WDR3: variants seen among roughly 807,000 people sequenced by gnomAD.
WDR3 encodes the protein WD repeat domain 3.
In WDR3, 81 loss-of-function variants were observed where a neutral mutation model predicts 123.7. The ratio of observed to expected loss-of-function variants is 0.65; its 90% CI spans 0.55 to 0.79. The LOEUF (loss-of-function observed/expected upper bound fraction) is 0.79, where lower values mean the gene tolerates loss of function less well. Among genes scored for constraint, WDR3 ranks in the 30% least tolerant of loss-of-function variants. The pLI is 0.00. For synonymous variants in WDR3, 390 were observed against 388.8 expected, an observed-to-expected ratio of 1.00 and a Z score of -0.04; for missense variants, 1,027 against 1,123.2, an observed-to-expected ratio of 0.91 and a Z score of 1.22.
Position 117,961,853 on chromosome 1 carries a change from G to C in WDR3, c.*2406G>C, listed in dbSNP as rs138421806. 7.8e-4 allele frequency: 119 copies of C among 152,610 alleles called. No homozygotes were observed. Among genetic ancestry groups the C allele is most frequent in the African/African-American group, 2.8e-3 (117 of 41,528 alleles). The allele number at this position is 152,610 out of a possible 1,614,324, so 9.5% of individuals were successfully genotyped here. On this transcript the variant is annotated 3_prime_UTR_variant, in exon 27 of 27. Transcript: ENST00000349139. ...ATAATGCATTCTAGGTGCTTTCCAAGGAGTCAGTGTTGTTTAGGCAGCTAT... is the reference window on the plus strand; with the variant it reads ...ATAATGCATTCTAGGTGCTTTCCAACGAGTCAGTGTTGTTTAGGCAGCTAT...
intron 24 of WDR3, among the ~76,000 whole-genome samples, chr1:117,955,880 A>G (rs1020340356): frequency 1.1e-4 from 17 of 151,996 alleles, no homozygotes; most frequent in African/African-American, 3.1e-4. Flanking sequence ...GTTTACACAT[A>G]TATCTTTGTC....
At chr1:117,951,000 C>A in intron 16 of WDR3, 110 bp downstream of exon 16, 1 of 813,238 alleles carries the variant, frequency 1.2e-6, no homozygotes, top group South Asian at 1.8e-5. Context: ...TATCATCATT[C>A]TGTTATATAT....
At chr1:117,935,979 T>C (rs1650929140) in intron 3 of WDR3, among the ~76,000 whole-genome samples, 1 of 151,930 alleles carries the variant, frequency 6.6e-6, no homozygotes, top group Non-Finnish European at 1.5e-5. Context: ...AATTGGCAAT[T>C]CAAAAGAGAT....
chr1:117,950,120 A>T lies in WDR3; in HGVS notation c.1736A>T (p.Asp579Val). The T allele has an allele frequency of 6.2e-7, 1 of 1,613,638 alleles. No homozygotes were observed. The highest frequency in any genetic ancestry group is 8.5e-7 in the Non-Finnish European group (1 of 1,179,820). Residue 579 changes from aspartate to valine, a missense_variant, in exon 15 of 27, where the codon GAT (aspartate) becomes GTT (valine). Asp to Val is a radical substitution (Grantham distance 152, BLOSUM62 -3). Transcript: ENST00000349139. ...LDCTVKIFYV[D>V]TLKFFLSLYG... ...TGTACTGTGAAAATTTTCTACGTTGATACTTTAAAGGTACAGTGGTTATGC... is the reference window on the plus strand; with the variant it reads ...TGTACTGTGAAAATTTTCTACGTTGTTACTTTAAAGGTACAGTGGTTATGC...
chr1:117,954,430 A>G (rs1216341545), intron 22 of WDR3, 150 bp from the exon 23 acceptor site: 4 of 719,948 alleles, frequency 5.6e-6, no homozygotes, highest in Non-Finnish European at 9.0e-6. Context: ...AGAAACTAAC[A>G]GGTTTGATAA....
rs1485691600 is a variant in WDR3, at chr1:117,954,001, C to T, written c.2269-6C>T. ...GATGACTTCTTTCCTTTCTCATCCT[C>T]TGTAGGCTGAGAGGATTATGGAGGC... On this transcript the variant is annotated splice_region_variant and splice_polypyrimidine_tract_variant and intron_variant, in intron 21 of 26. Transcript: ENST00000349139. 3.7e-6 allele frequency: 6 copies of T among 1,607,276 alleles called. No homozygotes were observed. Among genetic ancestry groups the T allele is most frequent in the Non-Finnish European group, 5.1e-6 (6 of 1,176,152 alleles).
chr1:117,938,937 G>C (rs1033736692), intron 5 of WDR3, among the ~76,000 whole-genome samples: 1 of 152,224 alleles, frequency 6.6e-6, no homozygotes, highest in Admixed American at 6.5e-5. Context: ...ATTCAGTTGA[G>C]TTCAGGGACT....
In WDR3 at chr1:117,939,584, T is replaced by A. The variant is rs1402319966; in HGVS notation, c.675+12T>A. The A allele has an allele frequency of 6.2e-7, 1 of 1,612,324 alleles. No homozygotes were observed. The highest frequency in any genetic ancestry group is 8.5e-7 in the Non-Finnish European group (1 of 1,178,564). ...CTTATCTGCAAGAGGTAATTACTTC[T>A]TAAAATCATGGGCAATATGTTTAGA... On this transcript the variant is annotated intron_variant, in intron 6 of 26. Coordinates refer to ENST00000349139, the MANE Select transcript of WDR3 (RefSeq NM_006784.3).
At position 117,963,774 on chromosome 1, in the gene WDR3, A is replaced by C. The variant is rs774437453; in HGVS notation, c.*4327A>C. ...CTCAAATTTGAATGCTTGACAATCAAATTCCCATTTATTACTTACTGTACC... is the reference window on the plus strand; with the variant it reads ...CTCAAATTTGAATGCTTGACAATCACATTCCCATTTATTACTTACTGTACC... On this transcript the variant is annotated 3_prime_UTR_variant, in exon 27 of 27. Transcript: ENST00000349139. The C allele has an allele frequency of 6.3e-7, 1 of 1,591,188 alleles. No individual in the cohort carries two copies. Among genetic ancestry groups the C allele is most frequent in the Non-Finnish European group, 8.6e-7 (1 of 1,166,632 alleles).
chr1:117,950,950 T>A, intron 16 of WDR3, 60 bp downstream of exon 16: 1 of 1,385,654 alleles, frequency 7.2e-7, no homozygotes, highest in Non-Finnish European at 1.0e-6. Context: ...GATACTTTCT[T>A]AATTCTGGCT....
At chr1:117,950,788 C>T (rs1428283418) in intron 15 of WDR3, 46 bp from the exon 16 acceptor site, 2 of 1,439,048 alleles carry the variant, frequency 1.4e-6, no homozygotes, top group Admixed American at 1.8e-5. Context: ...ATAAATTATA[C>T]CCATATTTTA....
At position 117,941,742 on chromosome 1, in the gene WDR3, C is replaced by T. The variant is rs776101571; in HGVS notation, c.892-8C>T. ...TCCTTGACTCACATTAACCTTTTGC[C>T]TTTCTAGGGAACTGACTCTGTGCTA... On this transcript the variant is annotated splice_region_variant and splice_polypyrimidine_tract_variant and intron_variant, in intron 8 of 26. Transcript: ENST00000349139. 4.4e-6 allele frequency: 7 copies of T among 1,605,980 alleles called. No individual in the cohort carries two copies. The highest frequency in any genetic ancestry group is 5.9e-6 in the Non-Finnish European group (7 of 1,178,216).
chr1:117,933,097 G>A (rs568739476), intron 1 of WDR3, among the ~76,000 whole-genome samples, 191 bp from the exon 2 acceptor site: 13 of 151,732 alleles, frequency 8.6e-5, no homozygotes, highest in Non-Finnish European at 1.5e-4. Context: ...CCAGCTACTC[G>A]GGAGGCTGAG....
In WDR3 at chr1:117,946,373, AATC is replaced by A. The variant is rs146534992; in HGVS notation, c.1422+197_1422+199del. Among the ~76,000 whole-genome samples, 1,034 of 152,324 alleles carry A rather than the reference AATC, an allele frequency of 6.8e-3. 8 individuals are homozygous for A. Among genetic ancestry groups the A allele is most frequent in the African/African-American group, 0.023 (970 of 41,562 alleles). ...TAAAAATTATGAAGAAGAAAATTAA[AATC>A]ATGACCCTGAGATAACTACCATTAA... On this transcript the variant is annotated intron_variant, in intron 12 of 26. Coordinates refer to ENST00000349139, the MANE Select transcript of WDR3 (RefSeq NM_006784.3).
intron 1 of WDR3, 45 bp from the exon 2 acceptor site, chr1:117,933,243 A>C (rs937458284): frequency 6.5e-7 from 1 of 1,550,114 alleles, no homozygotes; most frequent in Admixed American, 1.8e-5. Context: ...ACCTAGTAGA[A>C]CCAAGGCACC....
chr1:117,944,202 T>C (rs1651285419), intron 11 of WDR3, among the ~76,000 whole-genome samples: 1 of 152,246 alleles, frequency 6.6e-6, no homozygotes, highest in Non-Finnish European at 1.5e-5. Context: ...TCAGTGATCT[T>C]GTTTCCAAAT....
intron 25 of WDR3, 140 bp from the exon 26 acceptor site, chr1:117,958,770 T>C: frequency 2.6e-6 from 1 of 385,070 alleles, no homozygotes; most frequent in Non-Finnish European, 4.4e-6. Context: ...TCTTTGGCTT[T>C]TTTTTTTTTT....
At position 117,963,785 on chromosome 1, in the gene WDR3, A is replaced by C. The variant is rs773131446; in HGVS notation, c.*4338A>C. On this transcript the variant is annotated 3_prime_UTR_variant, in exon 27 of 27. Transcript: ENST00000349139. ...ATGCTTGACAATCAAATTCCCATTTATTACTTACTGTACCTAATGTGGAGA... is the reference window on the plus strand; with the variant it reads ...ATGCTTGACAATCAAATTCCCATTTCTTACTTACTGTACCTAATGTGGAGA... 1.3e-6 allele frequency: 2 copies of C among 1,597,554 alleles called. No individual in the cohort carries two copies. The highest frequency in any genetic ancestry group is 2.2e-5 in the East Asian group (1 of 44,632).
intron 25 of WDR3, among the ~76,000 whole-genome samples, chr1:117,958,187 T>C (rs759445119): frequency 3.3e-5 from 5 of 152,144 alleles, no homozygotes; most frequent in Non-Finnish European, 7.4e-5. Flanking sequence ...AAATAGGTAT[T>C]TGGTGAATTG....
Sources: allele counts gnomAD v4.1 joint callset (sites outside exome capture counted in the v4.1 genomes callset), GRCh38; gene constraint gnomAD v4.1.1; transcripts MANE v1.5; gene names NCBI Gene and HGNC (gene_info 2026-07-23, HGNC 2026-07-21).